Variants in SGCZ observed in about 807,000 individuals in gnomAD.
SGCZ encodes zeta-sarcoglycan.
Under a neutral mutation model 41.3 loss-of-function variants are expected in SGCZ, and 40 were observed. The observed-to-expected ratio is 0.97, with a 90% CI of 0.75 to 1.26. SGCZ has a LOEUF of 1.26. Ranked by LOEUF, SGCZ falls within the 50% of genes most tolerant of loss-of-function variation. SGCZ has a pLI of 0.00. For synonymous variants in SGCZ, 206 were observed against 137.5 expected (o/e 1.50, Z -3.49); for missense variants, 552 against 369.8 (o/e 1.49, Z -4.04).
At chr8:15,092,412 A>T (rs1318836426) in intron 1 of SGCZ, among the ~76,000 whole-genome samples, 2 of 152,218 alleles carry the variant, frequency 1.3e-5, no homozygotes, top group Admixed American at 6.5e-5. Flanking sequence ...CTGCTATTTT[A>T]AAATGTTTAA....
chr8:15,184,384 C>A (rs1406029899), intron 1 of SGCZ, among the ~76,000 whole-genome samples: 1 of 152,158 alleles, frequency 6.6e-6, no homozygotes, highest in Non-Finnish European at 1.5e-5. Flanking sequence ...GAAACAGCTG[C>A]ATCTCTATAT....
chr8:14,728,332 T>A (rs1810125444), intron 1 of SGCZ, among the ~76,000 whole-genome samples: 1 of 146,392 alleles, frequency 6.8e-6, no homozygotes, highest in African/African-American at 2.5e-5. Flanking sequence ...CTTTAAGCAT[T>A]CATCTCAAAA....
At chr8:14,548,234 A>G (rs1803692052) in intron 2 of SGCZ, among the ~76,000 whole-genome samples, 2 of 152,254 alleles carry the variant, frequency 1.3e-5, no homozygotes, top group South Asian at 4.1e-4. Context: ...TTGGACAAAA[A>G]GGTATAGCCC....
At chr8:15,205,460 A>G (rs1048338647) in intron 1 of SGCZ, among the ~76,000 whole-genome samples, 2 of 152,142 alleles carry the variant, frequency 1.3e-5, no homozygotes, top group Non-Finnish European at 2.9e-5. Flanking sequence ...ACAGACACCT[A>G]CCAAAGGAAA....
chr8:14,624,809 G>T (rs879758860), intron 1 of SGCZ, among the ~76,000 whole-genome samples: 6 of 151,602 alleles, frequency 4.0e-5, no homozygotes, highest in African/African-American at 1.5e-4. Flanking sequence ...GACCTCAGGA[G>T]ATCCACCCGC....
At chr8:14,512,603 G>A (rs183984586) in intron 2 of SGCZ, among the ~76,000 whole-genome samples, 1 of 148,562 alleles carries the variant, frequency 6.7e-6, no homozygotes, top group Admixed American at 6.9e-5. Flanking sequence ...AGGGCTACAG[G>A]TACAAGGCAT....
intron 1 of SGCZ, among the ~76,000 whole-genome samples, chr8:14,639,106 G>C (rs951531698): frequency 6.7e-6 from 1 of 148,716 alleles, no homozygotes; most frequent in Admixed American, 6.7e-5. Flanking sequence ...GAGTGCAGTG[G>C]TGCACTCTTG....
At position 14,544,290 on chromosome 8, in the gene SGCZ, A is replaced by G. The variant is rs544777146; in HGVS notation, c.234+10442T>C. On this transcript the variant is annotated intron_variant, in intron 2 of 7. Transcript: ENST00000382080. ...TGTACATCACCTCAGAACCACTGTG[A>G]TAACTGTGGTAACTGTACAAATTGA... is the stretch of plus-strand genomic sequence containing the variant. Among the ~76,000 whole-genome samples the G allele has an allele frequency of 1.5e-3, 232 of 152,274 alleles. 4 individuals carry two copies. The highest frequency in any genetic ancestry group is 4.9e-3 in the African/African-American group (205 of 41,562).
intron 2 of SGCZ, among the ~76,000 whole-genome samples, chr8:14,378,978 T>C (rs1224868220): frequency 6.6e-6 from 1 of 152,220 alleles, no homozygotes; most frequent in African/African-American, 2.4e-5. Flanking sequence ...AATGGATGCT[T>C]TCTTACGTAA....
At chr8:14,777,985 A>T (rs1800466196) in intron 1 of SGCZ, among the ~76,000 whole-genome samples, 1 of 151,910 alleles carries the variant, frequency 6.6e-6, no homozygotes, top group African/African-American at 2.4e-5. Flanking sequence ...GTGCAGAGGC[A>T]TGATCTCAGC....
intron 1 of SGCZ, among the ~76,000 whole-genome samples, chr8:14,825,589 T>C (rs912638174): frequency 1.3e-5 from 2 of 152,190 alleles, no homozygotes; most frequent in Non-Finnish European, 2.9e-5. Flanking sequence ...CATTGTGTAA[T>C]GATTACCACA....
intron 2 of SGCZ, among the ~76,000 whole-genome samples, chr8:14,407,012 T>C (rs1327573796): frequency 1.3e-5 from 2 of 151,790 alleles, no homozygotes; most frequent in African/African-American, 4.8e-5. Flanking sequence ...AGCCTGCCTG[T>C]CCTGCATCAA....
chr8:14,590,476 GTTCT>G (rs1310731447), intron 1 of SGCZ, among the ~76,000 whole-genome samples: 1 of 151,268 alleles, frequency 6.6e-6, no homozygotes, highest in African/African-American at 2.4e-5. Context: ...ATAAAATCAA[GTTCT>G]TTTACTCAGA....
chr8:14,210,332 TA>T (rs1456704469), intron 4 of SGCZ, among the ~76,000 whole-genome samples: 4 of 152,126 alleles, frequency 2.6e-5, no homozygotes, highest in Non-Finnish European at 1.5e-5. Context: ...GTGCTGGGAT[TA>T]CAAGGGTGAG....
At position 14,825,253 on chromosome 8, in the gene SGCZ, C is replaced by T. The variant is rs564047066; in HGVS notation, c.40-270327G>A. ...AGCTTCCCATCTGTGAAATCCTTAGCAAGATACATGAAATCTCTAATTACC... is the reference window on the plus strand; with the variant it reads ...AGCTTCCCATCTGTGAAATCCTTAGTAAGATACATGAAATCTCTAATTACC... On this transcript the variant is annotated intron_variant, in intron 1 of 7. Coordinates refer to ENST00000382080, the MANE Select transcript of SGCZ (RefSeq NM_139167.4). Among the ~76,000 whole-genome samples the T allele has an allele frequency of 3.3e-5, 5 of 152,244 alleles. No homozygotes were observed. In the South Asian group the frequency reaches 1.0e-3, roughly 32 times the overall value.
chr8:14,176,261 T>C (rs765596896), intron 4 of SGCZ, among the ~76,000 whole-genome samples: 30 of 152,332 alleles, frequency 2.0e-4, no homozygotes, highest in Middle Eastern at 3.4e-3. Flanking sequence ...AGGCAGGTTA[T>C]AATTCTGGCA....
intron 3 of SGCZ, among the ~76,000 whole-genome samples, chr8:14,300,410 G>C (rs972596894): frequency 1.3e-5 from 2 of 151,328 alleles, no homozygotes; most frequent in South Asian, 2.1e-4. Flanking sequence ...AATTTAGGTA[G>C]GTAAAGAGAG....
At chr8:14,753,460 T>C (rs895455281) in intron 1 of SGCZ, among the ~76,000 whole-genome samples, 12 of 152,200 alleles carry the variant, frequency 7.9e-5, no homozygotes, top group Admixed American at 5.2e-4. Context: ...TGCTATAGCA[T>C]TGAAGAAGAA....
chr8:14,831,148 G>A (rs1409598619), intron 1 of SGCZ, among the ~76,000 whole-genome samples: 2 of 152,150 alleles, frequency 1.3e-5, no homozygotes, highest in East Asian at 1.9e-4. Flanking sequence ...ATATGTCCAT[G>A]ATGGAAACTA....
Sources: gnomAD v4.1 joint callset for allele counts (sites outside exome capture counted in the v4.1 genomes callset) on GRCh38, gnomAD v4.1.1 for gene constraint, MANE v1.5 for transcripts, NCBI Gene and HGNC (gene_info 2026-07-23, HGNC 2026-07-21) for gene names.